ERBB4: variants seen among roughly 807,000 people sequenced by gnomAD.
ERBB4 encodes the protein receptor tyrosine-protein kinase erbB-4.
ERBB4 carries 42 observed loss-of-function variants against 158.0 expected under a neutral mutation model. The ratio of observed to expected loss-of-function variants is 0.27; its 90% CI spans 0.21 to 0.34. The LOEUF (loss-of-function observed/expected upper bound fraction) is 0.34, where lower values mean the gene tolerates loss of function less well. Among genes scored for constraint, ERBB4 ranks in the 10% least tolerant of loss-of-function variants. The pLI, the probability that ERBB4 is intolerant of heterozygous loss-of-function variation, is 1.00. For synonymous variants in ERBB4, 583 were observed against 558.7 expected, an observed-to-expected ratio of 1.04 and a Z score of -0.61; for missense variants, 1,333 against 1,624.1, an observed-to-expected ratio of 0.82 and a Z score of 3.08.
At chr2:211,888,781 G>A (rs535967164) in intron 3 of ERBB4, among the ~76,000 whole-genome samples, 84 of 152,036 alleles carry the variant, frequency 5.5e-4, no homozygotes, top group African/African-American at 1.8e-3. Context: ...TCAAAGAAAG[G>A]GGTGACGGAC....
chr2:211,438,509 G>A (rs746197833), intron 20 of ERBB4, among the ~76,000 whole-genome samples: 2 of 152,168 alleles, frequency 1.3e-5, no homozygotes, highest in Non-Finnish European at 2.9e-5. Context: ...TATCTACTCT[G>A]AGGGTTGTCT....
At chr2:211,963,183 T>C (rs748870095) in intron 2 of ERBB4, among the ~76,000 whole-genome samples, 5 of 152,094 alleles carry the variant, frequency 3.3e-5, no homozygotes, top group Admixed American at 2.6e-4. Flanking sequence ...TCTGGAGATA[T>C]TTGTGGTTGT....
intron 1 of ERBB4, among the ~76,000 whole-genome samples, chr2:212,454,823 G>T (rs896081106): frequency 6.6e-6 from 1 of 152,026 alleles, no homozygotes; most frequent in African/African-American, 2.4e-5. Flanking sequence ...AAGTGAAGCA[G>T]TTGGACTCAA....
chr2:211,941,294 C>T (rs1004865190), intron 3 of ERBB4, among the ~76,000 whole-genome samples: 1 of 150,094 alleles, frequency 6.7e-6, no homozygotes, highest in African/African-American at 2.5e-5. Context: ...TCACAATATG[C>T]TGAATAGATC....
chr2:212,285,680 A>G (rs1318750009), intron 1 of ERBB4, among the ~76,000 whole-genome samples: 1 of 152,194 alleles, frequency 6.6e-6, no homozygotes, highest in Admixed American at 6.5e-5. Flanking sequence ...GTTTGTTAAA[A>G]ATGAGGACTT....
At chr2:211,458,475 C>T (rs973956716) in intron 20 of ERBB4, among the ~76,000 whole-genome samples, 6 of 152,030 alleles carry the variant, frequency 3.9e-5, no homozygotes, top group African/African-American at 1.2e-4. Flanking sequence ...CCATGTTGGC[C>T]GAGATGGTCT....
chr2:211,994,512 A>T (rs900350213), intron 2 of ERBB4, among the ~76,000 whole-genome samples: 7 of 151,970 alleles, frequency 4.6e-5, no homozygotes, highest in African/African-American at 1.7e-4. Flanking sequence ...ATTTATCTAG[A>T]TTTTTTCCAG....
chr2:211,789,254 C>T (rs1048260707), intron 3 of ERBB4, among the ~76,000 whole-genome samples: 1 of 152,020 alleles, frequency 6.6e-6, no homozygotes, highest in Non-Finnish European at 1.5e-5. Flanking sequence ...TAATCAAAAC[C>T]CAATCAACAG....
intron 2 of ERBB4, among the ~76,000 whole-genome samples, chr2:212,092,623 C>T (rs1168288150): frequency 6.6e-6 from 1 of 152,156 alleles, no homozygotes; most frequent in East Asian, 1.9e-4. Flanking sequence ...TGGTCTTCTT[C>T]CTACTACATT....
intron 20 of ERBB4, among the ~76,000 whole-genome samples, chr2:211,530,662 A>G (rs2066470966): frequency 2.0e-5 from 3 of 151,920 alleles, no homozygotes; most frequent in Admixed American, 2.0e-4. Context: ...CTGAGGTGGG[A>G]GGATTGCTTG....
At chr2:212,192,323 T>A (rs2082299282) in intron 1 of ERBB4, among the ~76,000 whole-genome samples, 1 of 151,592 alleles carries the variant, frequency 6.6e-6, no homozygotes, top group Admixed American at 6.6e-5. Flanking sequence ...GAAATAGAAC[T>A]TTTTAAATTC....
At position 211,571,041 on chromosome 2, in the gene ERBB4, C is replaced by CTTTTTTTTTTTTTTTTT. The variant is rs549254649; in HGVS notation, c.2302-8970_2302-8954dup. On this transcript the variant is annotated intron_variant, in intron 19 of 27. Transcript: ENST00000342788. ...TTTTCACTCTCTGAGTACTCTTCTT[C>CTTTTTTTTTTTTTTTTT]TTTTTTTTTTTTTTTTTTTTGAGAC... 2.8e-5 allele frequency among the ~76,000 whole-genome samples: 3 copies of CTTTTTTTTTTTTTTTTT among 109,076 alleles called. 1 individual carries two copies. The highest frequency in any genetic ancestry group is 1.1e-4 in the African/African-American group (3 of 28,154). 71.6% of individuals were successfully genotyped at this position (109,076 alleles called of 152,430 possible). A position where few individuals can be genotyped will look rare whatever the true frequency, so the allele number is the denominator to read the frequency against.
At chr2:211,857,068 G>A (rs561891816) in intron 3 of ERBB4, among the ~76,000 whole-genome samples, 1 of 151,854 alleles carries the variant, frequency 6.6e-6, no homozygotes, top group Non-Finnish European at 1.5e-5. Flanking sequence ...AAAATATTCT[G>A]GCATATGGTT....
In ERBB4 at chr2:211,383,911, T is replaced by A. The variant is rs2125311080; in HGVS notation, c.3631A>T (p.Thr1211Ser). The change falls in exon 28 of 28, where the codon ACC becomes TCC. Residue 1211 changes from threonine (T) to serine (S), a missense_variant. Coordinates refer to ENST00000342788, the MANE Select transcript of ERBB4 (RefSeq NM_005235.3). ...EYVNEPLYLN[T>S]FANTLGKAEY... ...GCTTTTCCCAAGGTGTTGGCAAAGG[T>A]GTTGAGGTACAGTGGCTCATTCACA... is the stretch of plus-strand genomic sequence containing the variant. The A allele has an allele frequency of 6.2e-7, 1 of 1,614,036 alleles. No individual in the cohort carries two copies. The highest frequency in any genetic ancestry group is 1.3e-5 in the African/African-American group (1 of 74,980).
At chr2:211,501,497 T>TAAA (rs71047178) in intron 20 of ERBB4, among the ~76,000 whole-genome samples, 6,490 of 150,928 alleles carry the variant, frequency 0.043, 479 homozygotes, top group African/African-American at 0.15. Flanking sequence ...CCATAAAAAT[T>TAAA]AAAAAAAACA....
chr2:211,397,565 A>G (rs1053863841), intron 25 of ERBB4, among the ~76,000 whole-genome samples: 1 of 152,146 alleles, frequency 6.6e-6, no homozygotes, highest in South Asian at 2.1e-4. Flanking sequence ...TTAGAAAAAC[A>G]TCTATCGGCT....
intron 1 of ERBB4, among the ~76,000 whole-genome samples, chr2:212,230,103 G>A (rs1458878118): frequency 2.0e-5 from 3 of 152,034 alleles, no homozygotes; most frequent in Admixed American, 6.6e-5. Context: ...TGGCCAACAC[G>A]GTGAAACCCT....
At chr2:212,406,330 T>C (rs1449125561) in intron 1 of ERBB4, among the ~76,000 whole-genome samples, 4 of 152,098 alleles carry the variant, frequency 2.6e-5, no homozygotes, top group Non-Finnish European at 5.9e-5. Flanking sequence ...CTTGAGAGTC[T>C]AAAGGAGACT....
At chr2:211,390,313 T>C (rs2062774900) in intron 25 of ERBB4, among the ~76,000 whole-genome samples, 1 of 152,192 alleles carries the variant, frequency 6.6e-6, no homozygotes, top group Non-Finnish European at 1.5e-5. Flanking sequence ...TCAATTATAA[T>C]CTAAGATTGT....
Sources: gnomAD v4.1 joint callset for allele counts (sites outside exome capture counted in the v4.1 genomes callset) on GRCh38, gnomAD v4.1.1 for gene constraint, MANE v1.5 for transcripts, NCBI Gene and HGNC (gene_info 2026-07-23, HGNC 2026-07-21) for gene names.